Variants in RPS12 observed in about 807,000 individuals in gnomAD.
The protein encoded by RPS12 is small ribosomal subunit protein eS12.
Under a neutral mutation model 17.2 loss-of-function variants are expected in RPS12, and 1 was observed. That is an observed-to-expected ratio of 0.06 (90% CI 0.02 to 0.28). The LOEUF (loss-of-function observed/expected upper bound fraction) is 0.28. Among genes scored for constraint, RPS12 ranks in the 10% least tolerant of loss-of-function variants. The pLI is 1.00. For missense variants in RPS12, 146 were observed against 162.1 expected (o/e 0.90, Z 0.54); for synonymous variants, 67 against 54.0 (o/e 1.24, Z -1.06).
chr6:132,817,063 TA>T lies in RPS12; in HGVS notation c.336+4del. On this transcript the variant is annotated splice_donor_region_variant and intron_variant, in intron 5 of 5. Coordinates refer to ENST00000230050, the MANE Select transcript of RPS12 (RefSeq NM_001016.4). ...GGTTGCAGTTGTGTAGTAGTTAAGG[TA>T]AGTCACCGTTTATTCTAGGGATGAA... is the stretch of plus-strand genomic sequence containing the variant. The T allele has an allele frequency of 1.3e-6, 2 of 1,555,306 alleles. No individual in the cohort carries two copies. Among genetic ancestry groups the T allele is most frequent in the Non-Finnish European group, 1.8e-6 (2 of 1,128,368 alleles).
At chr6:132,815,405 T>C (rs768657431) in intron 3 of RPS12, 2 of 553,578 alleles carry the variant, frequency 3.6e-6, no homozygotes, top group Admixed American at 3.9e-5. Context: ...CTAGTCAGTC[T>C]TATACTTATC....
intron 2 of RPS12, 74 bp downstream of exon 2, chr6:132,814,856 G>C: frequency 6.7e-7 from 1 of 1,488,154 alleles, no homozygotes; most frequent in South Asian, 1.1e-5. Flanking sequence ...GGCGGAACAG[G>C]ACTGGGTCAA....
rs1475954300 is a variant in RPS12 at position 132,816,708 on chromosome 6, G to A, written c.234+145G>A. ...ACTGTCGGCCATTTTAAAGATGATT[G>A]TAGGTAGAAGCATTTTATACCTGCA... On this transcript the variant is annotated intron_variant, in intron 4 of 5. Coordinates refer to ENST00000230050, the MANE Select transcript of RPS12 (RefSeq NM_001016.4). The A allele has an allele frequency of 6.5e-6, 5 of 775,160 alleles. No homozygotes were observed. In the African/African-American group the frequency reaches 6.8e-5, roughly 10 times the overall value. The allele number at this position is 775,160 out of a possible 1,614,324, so 48.0% of individuals were successfully genotyped here.
chr6:132,817,299 G>A (rs747115423), intron 5 of RPS12, 181 bp from the exon 6 acceptor site: 9 of 773,916 alleles, frequency 1.2e-5, no homozygotes, highest in African/African-American at 3.4e-5. Context: ...GCCATGTTAC[G>A]AGCCTTAAGG....
Position 132,816,419 on chromosome 6 carries a change from A to G in RPS12, c.132-42A>G, listed in dbSNP as rs779249676. 1.6e-5 allele frequency: 23 copies of G among 1,448,946 alleles called. 1 individual carries two copies. The South Asian group carries it at 2.3e-4, about 14-fold the overall frequency. The allele number at this position is 1,448,946 out of a possible 1,614,324, so 89.8% of individuals were successfully genotyped here. A position where few individuals can be genotyped will look rare whatever the true frequency, so the allele number is the denominator to read the frequency against. ...TAAAATGCAAGAATGATGGATTTGG[A>G]TCTGAGTTTTAGCTCCATTTTCATT... On this transcript the variant is annotated intron_variant, in intron 3 of 5. Coordinates refer to ENST00000230050, the MANE Select transcript of RPS12 (RefSeq NM_001016.4).
chr6:132,816,851 C>A (rs1279582845), intron 4 of RPS12, 109 bp from the exon 5 acceptor site: 2 of 818,990 alleles, frequency 2.4e-6, no homozygotes, highest in East Asian at 2.4e-5. Context: ...CATGAGGAAA[C>A]TGCCATGTCA....
chr6:132,815,639 T>C (rs1385721175), intron 3 of RPS12: 1 of 456,628 alleles, frequency 2.2e-6, no homozygotes, highest in African/African-American at 2.0e-5. Flanking sequence ...CAACCTACTC[T>C]TGAGCTGAAT....
intron 3 of RPS12, 125 bp downstream of exon 3, chr6:132,815,213 A>C (rs935797097): frequency 1.3e-6 from 1 of 754,164 alleles, no homozygotes. Context: ...CCTACCGGAA[A>C]CCTAGGAAAA....
rs767922042 is a variant in RPS12 at position 132,816,503 on chromosome 6, G to A, written c.174G>A (p.Glu58=). The A allele has an allele frequency of 6.2e-7, 1 of 1,607,576 alleles. No individual in the cohort carries two copies. The highest frequency in any genetic ancestry group is 8.5e-7 in the Non-Finnish European group (1 of 1,179,676). ...GTGTGCTTGCATCCAACTGTGATGA[G>A]CCTATGTATGTCAAGTTGGTGGAGG... is the stretch of plus-strand genomic sequence containing the variant. The part of the protein sequence containing the change: ...HLCVLASNCD[E]PMYVKLVEAL... Residue 58 remains glutamate, a synonymous_variant, in exon 4 of 6, where the codon GAG becomes GAA. Coordinates refer to ENST00000230050, the MANE Select transcript of RPS12 (RefSeq NM_001016.4).
chr6:132,816,701 G>A (rs532657999), intron 4 of RPS12, 138 bp downstream of exon 4: 9 of 780,820 alleles, frequency 1.2e-5, no homozygotes, highest in Non-Finnish European at 2.1e-5. Flanking sequence ...CCATTTTAAA[G>A]ATGATTGTAG....
chr6:132,815,982 C>T (rs1188035777), intron 3 of RPS12: 10 of 444,132 alleles, frequency 2.3e-5, no homozygotes, highest in African/African-American at 2.0e-4. Context: ...CAGGCACACG[C>T]CACCATGCCC....
At chr6:132,816,085 C>G (rs183698069) in intron 3 of RPS12, 1 of 371,066 alleles carries the variant, frequency 2.7e-6, no homozygotes, top group Admixed American at 3.7e-5. Flanking sequence ...CTGCCCCCCT[C>G]GTCTTCCCAA....
At chr6:132,817,312 A>G (rs774214678) in intron 5 of RPS12, 168 bp from the exon 6 acceptor site, 27 of 777,838 alleles carry the variant, frequency 3.5e-5, no homozygotes, top group African/African-American at 1.0e-4. Context: ...CCTTAAGGAC[A>G]TTGAAGTCGT....
chr6:132,814,679 G>A lies in RPS12; in HGVS notation c.-37-53G>A. On this transcript the variant is annotated intron_variant, in intron 1 of 5. Coordinates refer to ENST00000230050, the MANE Select transcript of RPS12 (RefSeq NM_001016.4). ...TTTGTGGCTCGTTGCGTTCTTGCTGGGATTCGTGACGAGTATCTGGTTCTT... is the reference window on the plus strand; with the variant it reads ...TTTGTGGCTCGTTGCGTTCTTGCTGAGATTCGTGACGAGTATCTGGTTCTT... 7 of 1,434,142 alleles carry A rather than the reference G, an allele frequency of 4.9e-6. No individual in the cohort carries two copies. In the South Asian group the frequency reaches 6.9e-5, roughly 14 times the overall value. The allele number at this position is 1,434,142 out of a possible 1,614,324, so 88.8% of individuals were successfully genotyped here. A position where few individuals can be genotyped will look rare whatever the true frequency, so the allele number is the denominator to read the frequency against.
chr6:132,816,637 T>A (rs1474150671), intron 4 of RPS12, 74 bp downstream of exon 4: 2 of 1,003,750 alleles, frequency 2.0e-6, no homozygotes, highest in African/African-American at 1.6e-5. Context: ...CTGTGAAGTC[T>A]CAAGCTGTTC....
In RPS12 at chr6:132,814,797, C is replaced by CG. The variant is rs777667773; in HGVS notation, c.14+19dup. On this transcript the variant is annotated intron_variant, in intron 2 of 5. Transcript: ENST00000230050. ...GCCGAGGAAGGGTGAGCCCAGGGGC[C>CG]GGGGTTGGAGTTGGGGTCGGGGTGC... 4 of 1,611,730 alleles carry CG rather than the reference C, an allele frequency of 2.5e-6. 1 individual carries two copies. In the South Asian group the frequency reaches 4.4e-5, roughly 18 times the overall value.
Position 132,814,916 on chromosome 6 carries a change from A to ACACTT in RPS12, c.15-56_15-55insCACTT, listed in dbSNP as rs1782008828. The ACACTT allele has an allele frequency of 3.7e-6, 5 of 1,366,092 alleles. No homozygotes were observed. The East Asian group carries it at 1.1e-4, about 31-fold the overall frequency. The allele number at this position is 1,366,092 out of a possible 1,614,324, so 84.6% of individuals were successfully genotyped here. On this transcript the variant is annotated intron_variant, in intron 2 of 5. Transcript: ENST00000230050. ...TGTACACTTAGCTTTTGCTGAGTGC[A>ACACTT]AGGCCTTATGTGGTGTGAGGATTTT...
At chr6:132,814,635 G>C (rs1434696465) in intron 1 of RPS12, 22 bp downstream of exon 1, 1 of 1,075,710 alleles carries the variant, frequency 9.3e-7, no homozygotes. Context: ...GAGGCGGCAG[G>C]GGGGTGTATT....
At chr6:132,815,603 T>A (rs1331128913) in intron 3 of RPS12, 1 of 455,926 alleles carries the variant, frequency 2.2e-6, no homozygotes, top group African/African-American at 2.0e-5. Flanking sequence ...GTTAATGTGT[T>A]TTTTAGGGTG....
Sources: gnomAD v4.1 joint callset for allele counts on GRCh38, gnomAD v4.1.1 for gene constraint, MANE v1.5 for transcripts, NCBI Gene and HGNC (gene_info 2026-07-23, HGNC 2026-07-21) for gene names.